HDX: variants seen among roughly 807,000 people sequenced by gnomAD.
The protein encoded by HDX is highly divergent homeobox.
In HDX, 19 loss-of-function variants were observed where a neutral mutation model predicts 45.2. The observed-to-expected ratio is 0.42, with a 90% CI of 0.29 to 0.62. The LOEUF (loss-of-function observed/expected upper bound fraction) is 0.62. HDX is among the 20% of genes least tolerant of loss of function. HDX has a pLI of 0.20. For missense variants in HDX, 532 were observed against 493.9 expected, an observed-to-expected ratio of 1.08 and a Z score of -0.73; for synonymous variants, 188 against 172.8, an observed-to-expected ratio of 1.09 and a Z score of -0.69.
chrX:84,487,537 C>A (rs975543107), intron 2 of HDX, among the ~76,000 whole-genome samples: 5 of 111,998 alleles, frequency 4.5e-5, no homozygotes, highest in Non-Finnish European at 5.6e-5. Context: ...TGGGTCTGTC[C>A]TCACACTAGT....
At chrX:84,436,168 T>A (rs1235554097) in intron 5 of HDX, among the ~76,000 whole-genome samples, 1 of 91,551 alleles carries the variant, frequency 1.1e-5, no homozygotes, top group Non-Finnish European at 2.1e-5. Context: ...CTCAGTAAAC[T>A]ATCGCAAGAA....
chrX:84,474,351 G>A (rs976305966), intron 3 of HDX, among the ~76,000 whole-genome samples: 1 of 111,935 alleles, frequency 8.9e-6, no homozygotes, highest in Non-Finnish European at 1.9e-5. Context: ...TAGAATTGGT[G>A]GTACAATTCC....
At chrX:84,348,279 T>A (rs906151061) in intron 6 of HDX, among the ~76,000 whole-genome samples, 14 of 111,985 alleles carry the variant, frequency 1.3e-4, no homozygotes, top group African/African-American at 4.5e-4. Context: ...CTTTCTTCAT[T>A]TCAGTTACTG....
At chrX:84,484,915 A>G (rs1225947112) in intron 2 of HDX, among the ~76,000 whole-genome samples, 8 of 111,748 alleles carry the variant, frequency 7.2e-5, no homozygotes, top group African/African-American at 2.6e-4. Flanking sequence ...AAATACAAGC[A>G]AGTAATGTTA....
chrX:84,400,359 C>T (rs981207812), intron 5 of HDX, among the ~76,000 whole-genome samples: 1 of 109,057 alleles, frequency 9.2e-6, no homozygotes, highest in South Asian at 4.0e-4. Flanking sequence ...AGCGAAATCT[C>T]AGGATACAAA....
At chrX:84,464,315 G>GA (rs1402467840) in intron 4 of HDX, among the ~76,000 whole-genome samples, 3 of 111,343 alleles carry the variant, frequency 2.7e-5, no homozygotes, top group African/African-American at 9.8e-5. Context: ...CACAGAATTA[G>GA]AAAAAACTAC....
At chrX:84,324,971 T>C (rs1171471414) in intron 10 of HDX, among the ~76,000 whole-genome samples, 3 of 111,462 alleles carry the variant, frequency 2.7e-5, no homozygotes, top group Non-Finnish European at 5.7e-5. Flanking sequence ...TTTCAGTATG[T>C]CGTGGAATAT....
intron 4 of HDX, among the ~76,000 whole-genome samples, chrX:84,444,943 T>G (rs764737325): frequency 1.6e-4 from 18 of 112,102 alleles, no homozygotes; most frequent in Admixed American, 1.2e-3. Flanking sequence ...TTTGCTGTTT[T>G]ATTTTACACA....
chrX:84,369,338 G>C (rs2037838034), intron 5 of HDX, among the ~76,000 whole-genome samples: 1 of 111,767 alleles, frequency 8.9e-6, no homozygotes, highest in Non-Finnish European at 1.9e-5. Context: ...TATTTAGATT[G>C]TTTCCATGTT....
chrX:84,334,603 A>T (rs1161161719), intron 8 of HDX, among the ~76,000 whole-genome samples: 1 of 108,694 alleles, frequency 9.2e-6, no homozygotes, highest in Non-Finnish European at 1.9e-5. Flanking sequence ...TGATGAAAAA[A>T]AAATGACCAA....
intron 6 of HDX, among the ~76,000 whole-genome samples, chrX:84,360,049 T>C (rs1055243563): frequency 9.0e-6 from 1 of 111,675 alleles, no homozygotes; most frequent in Non-Finnish European, 1.9e-5. Context: ...AGGTCTAATA[T>C]ACACAGTCTA....
chrX:84,408,499 G>GTTTT lies in HDX; in HGVS notation c.1305+32029_1305+32032dup, dbSNP rs1220751208. Among the ~76,000 whole-genome samples, 91 of 44,404 alleles carry GTTTT rather than the reference G, an allele frequency of 2.0e-3. 5 individuals are homozygous for GTTTT. Among genetic ancestry groups the GTTTT allele is most frequent in the Non-Finnish European group, 2.4e-3 (61 of 25,453 alleles). The allele number at this position is 44,404 out of a possible 115,157, so 38.6% of individuals were successfully genotyped here. On this transcript the variant is annotated intron_variant, in intron 5 of 10. Transcript: ENST00000373177. ...TGCATAAAGTGATGCCTCCAGCTTT[G>GTTTT]TTTTTTTTTTTTTTTTTTTTTTTGC...
intron 9 of HDX, among the ~76,000 whole-genome samples, chrX:84,326,904 G>C (rs1161946996): frequency 1.2e-5 from 1 of 85,502 alleles, no homozygotes; most frequent in Non-Finnish European, 2.3e-5. Context: ...CAACAAGAGT[G>C]AGACTGTCTC....
chrX:84,348,231 C>T (rs1391348408), intron 6 of HDX, among the ~76,000 whole-genome samples: 1 of 111,441 alleles, frequency 9.0e-6, no homozygotes, highest in Non-Finnish European at 1.9e-5. Context: ...AAATTATTTC[C>T]ACAGCCATGT....
At chrX:84,336,930 G>A in intron 7 of HDX, 50 bp from the exon 8 acceptor site, 1 of 790,383 alleles carries the variant, frequency 1.3e-6, no homozygotes, top group Non-Finnish European at 1.9e-6. Flanking sequence ...AAACTTTCTT[G>A]AGAATACTAT....
chrX:84,481,554 T>C, intron 2 of HDX, among the ~76,000 whole-genome samples: 1 of 111,357 alleles, frequency 9.0e-6, no homozygotes, highest in African/African-American at 3.3e-5. Context: ...CAGCACTCTA[T>C]TAACCTCGTT....
In HDX at chrX:84,321,302, G is replaced by A. The variant is rs1021401212; in HGVS notation, c.*587C>T. 2 of 110,626 alleles carry A rather than the reference G, an allele frequency of 1.8e-5. No homozygotes were observed. Among genetic ancestry groups the A allele is most frequent in the African/African-American group, 6.5e-5 (2 of 30,591 alleles). 9.1% of individuals were successfully genotyped at this position (110,626 alleles called of 1,213,427 possible). A position where few individuals can be genotyped will look rare whatever the true frequency, so the allele number is the denominator to read the frequency against. The stretch of plus-strand genomic sequence containing the variant: ...CAAATATTTGGGTTAGATAATAGAA[G>A]AACACCAGCAATTTACAATTACATA... On this transcript the variant is annotated 3_prime_UTR_variant, in exon 11 of 11. Coordinates refer to ENST00000373177, the MANE Select transcript of HDX (RefSeq NM_001177479.2).
chrX:84,406,419 A>T (rs773811339), intron 5 of HDX, among the ~76,000 whole-genome samples: 24 of 107,038 alleles, frequency 2.2e-4, no homozygotes, highest in South Asian at 4.2e-4. Flanking sequence ...GCAAGGAAAA[A>T]CCTCCCTCAG....
chrX:84,329,867 G>A (rs749818915), intron 9 of HDX, among the ~76,000 whole-genome samples: 2 of 111,214 alleles, frequency 1.8e-5, no homozygotes, highest in East Asian at 5.7e-4. Flanking sequence ...TTTTGATTGC[G>A]CACATTAAGT....
Sources: allele counts gnomAD v4.1 joint callset (sites outside exome capture counted in the v4.1 genomes callset), GRCh38; gene constraint gnomAD v4.1.1; transcripts MANE v1.5; gene names NCBI Gene and HGNC (gene_info 2026-07-23, HGNC 2026-07-21).